Variants in CNGB3 observed in about 807,000 individuals in gnomAD.
CNGB3 encodes cyclic nucleotide gated channel subunit beta 3, also known as cyclic nucleotide-gated channel beta-3.
CNGB3 carries 86 observed loss-of-function variants against 92.8 expected under a neutral mutation model. The ratio of observed to expected loss-of-function variants is 0.93; its 90% CI spans 0.78 to 1.11. The LOEUF (loss-of-function observed/expected upper bound fraction) is 1.11. CNGB3 is among the 50% of genes least tolerant of loss of function. The probability of loss-of-function intolerance (pLI) is 0.00; values close to 1 mark genes in which losing one functional copy is unlikely to be tolerated. For missense variants in CNGB3, 1,026 were observed against 956.8 expected (o/e 1.07, Z -0.95); for synonymous variants, 333 against 332.7 (o/e 1.00, Z -0.01).
At chr8:86,717,928 G>A (rs1824893188) in intron 3 of CNGB3, among the ~76,000 whole-genome samples, 1 of 152,006 alleles carries the variant, frequency 6.6e-6, no homozygotes, top group South Asian at 2.1e-4. Context: ...GGTCAACAAC[G>A]AAATCAAGAT....
intron 13 of CNGB3, among the ~76,000 whole-genome samples, chr8:86,613,439 A>T (rs764931509): frequency 3.3e-5 from 5 of 152,206 alleles, no homozygotes; most frequent in Non-Finnish European, 7.3e-5. Flanking sequence ...ACTTAGAAAA[A>T]GGCAAATAGA....
intron 2 of CNGB3, among the ~76,000 whole-genome samples, chr8:86,737,105 T>G (rs1341233382): frequency 6.6e-6 from 1 of 152,148 alleles, no homozygotes. Flanking sequence ...AGATGAAAGA[T>G]AGTGGCAAAA....
intron 3 of CNGB3, among the ~76,000 whole-genome samples, chr8:86,700,278 A>G (rs934700974): frequency 4.6e-5 from 7 of 152,160 alleles, no homozygotes; most frequent in African/African-American, 1.7e-4. Flanking sequence ...CATTTGTGTG[A>G]CATCTTAGGA....
At chr8:86,739,920 C>T (rs1185741218) in intron 1 of CNGB3, among the ~76,000 whole-genome samples, 184 bp from the exon 2 acceptor site, 3 of 152,194 alleles carry the variant, frequency 2.0e-5, no homozygotes, top group Non-Finnish European at 2.9e-5. Flanking sequence ...AATAATCAAC[C>T]TCAGCCTCCA....
At chr8:86,602,518 C>T (rs1196331302) in intron 15 of CNGB3, among the ~76,000 whole-genome samples, 2 of 152,108 alleles carry the variant, frequency 1.3e-5, no homozygotes, top group Admixed American at 6.5e-5. Flanking sequence ...GACCCCGATC[C>T]GTGGAGACCC....
chr8:86,657,766 T>C, intron 6 of CNGB3: 1 of 483,640 alleles, frequency 2.1e-6, no homozygotes. Context: ...TCCAGCAGCT[T>C]CACCTTCATC....
At chr8:86,627,974 G>T (rs1323891844) in intron 12 of CNGB3, among the ~76,000 whole-genome samples, 1 of 152,140 alleles carries the variant, frequency 6.6e-6, no homozygotes, top group Non-Finnish European at 1.5e-5. Flanking sequence ...TGATGATCTA[G>T]TCTCACTTAA....
intron 8 of CNGB3, among the ~76,000 whole-genome samples, chr8:86,646,082 T>G (rs553641618): frequency 6.6e-6 from 1 of 151,168 alleles, no homozygotes; most frequent in Admixed American, 6.6e-5. Flanking sequence ...GAGTTGGCAT[T>G]TTATAAGCTT....
intron 6 of CNGB3, 105 bp downstream of exon 6, chr8:86,666,820 T>C (rs760966208): frequency 8.6e-5 from 77 of 894,732 alleles, no homozygotes; most frequent in Admixed American, 2.1e-4. Context: ...CAATTATCCA[T>C]GCAGATAGCC....
chr8:86,708,780 A>G (rs1249707332), intron 3 of CNGB3, among the ~76,000 whole-genome samples: 1 of 152,004 alleles, frequency 6.6e-6, no homozygotes, highest in Non-Finnish European at 1.5e-5. Flanking sequence ...TCTGTTGCCC[A>G]GGCTAGTCTC....
At chr8:86,724,015 T>A (rs936005047) in intron 3 of CNGB3, among the ~76,000 whole-genome samples, 1 of 152,042 alleles carries the variant, frequency 6.6e-6, no homozygotes, top group Non-Finnish European at 1.5e-5. Context: ...ACAATAGACA[T>A]CAGAGCCTAC....
At position 86,578,784 on chromosome 8, in the gene CNGB3, C is replaced by T; in HGVS notation, c.2008G>A (p.Glu670Lys). ...KDLALLFPPK[E>K]ETPKLFKTLL... is the part of the protein sequence containing the mutation. ...GTTTTAAACAGTTTGGGTGTCTCTTCTTTCGGTGGGAAGAGGAGGGCAAGA... is the reference window on the plus strand; with the variant it reads ...GTTTTAAACAGTTTGGGTGTCTCTTTTTTCGGTGGGAAGAGGAGGGCAAGA... The change falls in exon 17 of 18, where the codon GAA becomes AAA. Residue 670 changes from glutamate to lysine, a missense_variant. Glu to Lys is a moderately conservative substitution (Grantham distance 56, BLOSUM62 1). Transcript: ENST00000320005. The T allele has an allele frequency of 6.2e-7, 1 of 1,614,090 alleles. No homozygotes were observed. The highest frequency in any genetic ancestry group is 1.1e-5 in the South Asian group (1 of 91,072).
chr8:86,633,194 C>A (rs553691011), intron 10 of CNGB3, among the ~76,000 whole-genome samples: 1 of 152,294 alleles, frequency 6.6e-6, no homozygotes, highest in African/African-American at 2.4e-5. Flanking sequence ...CAAAGCCCAA[C>A]AGAGATGACT....
intron 3 of CNGB3, among the ~76,000 whole-genome samples, chr8:86,723,021 G>A (rs146575722): frequency 1.3e-3 from 195 of 152,008 alleles, no homozygotes; most frequent in Middle Eastern, 6.8e-3. Context: ...TTCTATTTCT[G>A]TGGAGAACCC....
Position 86,697,680 on chromosome 8 carries a change from T to C in CNGB3, c.339-26582A>G, listed in dbSNP as rs1429458772. On this transcript the variant is annotated intron_variant, in intron 3 of 17. Transcript: ENST00000320005. ...ATTATACTTTAAGTTCTAGGGTACA[T>C]GTGCACAACGTGCAGGTTTGTTACA... 2.6e-5 allele frequency among the ~76,000 whole-genome samples: 4 copies of C among 152,250 alleles called. No individual in the cohort carries two copies. In the East Asian group the frequency reaches 5.8e-4, roughly 22 times the overall value.
chr8:86,624,211 G>T (rs1822798369), intron 13 of CNGB3, among the ~76,000 whole-genome samples: 1 of 152,046 alleles, frequency 6.6e-6, no homozygotes, highest in African/African-American at 2.4e-5. Context: ...TTGAAGTCAG[G>T]AGTTCAAGAC....
intron 2 of CNGB3, among the ~76,000 whole-genome samples, chr8:86,735,149 T>TTTTTTTTC (rs1220416127): frequency 8.1e-6 from 1 of 123,574 alleles, no homozygotes; most frequent in East Asian, 2.3e-4. Context: ...GTTGCCTTTT[T>TTTTTTTTC]TTTTTTTTTT....
chr8:86,711,833 CTCTATA>C (rs1478346425), intron 3 of CNGB3, among the ~76,000 whole-genome samples: 29 of 130,370 alleles, frequency 2.2e-4, no homozygotes, highest in African/African-American at 7.7e-4. Context: ...CTCTCTCTCT[CTCTATA>C]TATATATATA....
At chr8:86,733,217 A>G (rs919129138) in intron 2 of CNGB3, among the ~76,000 whole-genome samples, 13 of 151,998 alleles carry the variant, frequency 8.6e-5, no homozygotes, top group African/African-American at 2.7e-4. Flanking sequence ...TTTTGGGTCA[A>G]TTTGTTTAAG....
Sources: allele counts gnomAD v4.1 joint callset (sites outside exome capture counted in the v4.1 genomes callset), GRCh38; gene constraint gnomAD v4.1.1; transcripts MANE v1.5; gene names NCBI Gene and HGNC (gene_info 2026-07-23, HGNC 2026-07-21).